SLC10A7: variants seen among roughly 807,000 people sequenced by gnomAD.
SLC10A7 encodes the protein solute carrier family 10 member 7.
A neutral mutation model predicts 43.2 loss-of-function variants in SLC10A7; 29 were observed. That is an observed-to-expected ratio of 0.67 (90% CI 0.50 to 0.92). The LOEUF is 0.92. Ranked by LOEUF, SLC10A7 falls within the 40% of genes least tolerant of loss-of-function variation. The pLI is 0.00. For missense variants in SLC10A7, 295 were observed against 403.2 expected (o/e 0.73, Z 2.30); for synonymous variants, 152 against 144.8 (o/e 1.05, Z -0.35).
chr4:146,324,019 T>C (rs538509191), intron 6 of SLC10A7, among the ~76,000 whole-genome samples: 1 of 152,262 alleles, frequency 6.6e-6, no homozygotes, highest in South Asian at 2.1e-4. Context: ...AGCATTCTTA[T>C]ACACCAATAA....
At chr4:146,278,239 A>G (rs1297703993) in intron 10 of SLC10A7, among the ~76,000 whole-genome samples, 17 of 152,180 alleles carry the variant, frequency 1.1e-4, no homozygotes, top group Non-Finnish European at 8.8e-5. Context: ...CTAATATTCA[A>G]GATTGTTTAG....
Position 146,518,789 on chromosome 4 carries a change from G to A in SLC10A7, c.101-1669C>T, listed in dbSNP as rs181080936. On this transcript the variant is annotated intron_variant, in intron 1 of 11. Transcript: ENST00000335472. Reference sequence around the variant, plus strand: ...GTTATATTGCCACAAGCCAAGGAACGGCTGGCAACCACCACAAGCTAGAAG... The same window carrying A: ...GTTATATTGCCACAAGCCAAGGAACAGCTGGCAACCACCACAAGCTAGAAG... 4.3e-3 allele frequency among the ~76,000 whole-genome samples: 658 copies of A among 151,938 alleles called. 5 individuals are homozygous for A. The highest frequency in any genetic ancestry group is 0.01 in the Middle Eastern group (3 of 294).
chr4:146,503,705 T>C, intron 4 of SLC10A7, 144 bp downstream of exon 4: 1 of 667,252 alleles, frequency 1.5e-6, no homozygotes, highest in Non-Finnish European at 2.7e-6. Flanking sequence ...CATGCTAGTA[T>C]GTGAGTACAC....
chr4:146,298,977 G>A (rs993899475), intron 7 of SLC10A7, among the ~76,000 whole-genome samples: 1 of 152,154 alleles, frequency 6.6e-6, no homozygotes, highest in African/African-American at 2.4e-5. Context: ...AAGAAGTATT[G>A]TCTGGGGAAA....
intron 5 of SLC10A7, among the ~76,000 whole-genome samples, chr4:146,380,552 TTC>T (rs1737539990): frequency 2.0e-5 from 3 of 152,184 alleles, no homozygotes; most frequent in African/African-American, 7.2e-5. Context: ...TTATTTTATT[TTC>T]AATTCAAAAA....
intron 9 of SLC10A7, among the ~76,000 whole-genome samples, chr4:146,289,644 G>C (rs1730268733): frequency 6.8e-6 from 1 of 147,788 alleles, no homozygotes; most frequent in Non-Finnish European, 1.5e-5. Flanking sequence ...AACTAGGACA[G>C]AGAAAAGTAA....
intron 10 of SLC10A7, among the ~76,000 whole-genome samples, chr4:146,268,708 C>G (rs1290900440): frequency 6.6e-6 from 1 of 152,132 alleles, no homozygotes; most frequent in Non-Finnish European, 1.5e-5. Context: ...GAAATTGAGG[C>G]AGCAGGTAAA....
In SLC10A7 at chr4:146,349,370, A is replaced by G. The variant is rs527556210; in HGVS notation, c.436-23374T>C. Among the ~76,000 whole-genome samples, 5 of 152,298 alleles carry G rather than the reference A, an allele frequency of 3.3e-5. No individual in the cohort carries two copies. The East Asian group carries it at 7.7e-4, about 23-fold the overall frequency. On this transcript the variant is annotated intron_variant, in intron 5 of 11. Coordinates refer to ENST00000335472, the MANE Select transcript of SLC10A7 (RefSeq NM_001029998.6). ...AAAGTAAAAAACAACAGTTGATGGT[A>G]AAGCTGCAGGGAAAAGGGAACACTG...
chr4:146,331,563 C>G (rs1161300430), intron 5 of SLC10A7, among the ~76,000 whole-genome samples: 1 of 152,150 alleles, frequency 6.6e-6, no homozygotes, highest in African/African-American at 2.4e-5. Context: ...CCAGAACTAG[C>G]TTTACCATCC....
At chr4:146,356,407 T>C (rs1735636284) in intron 5 of SLC10A7, among the ~76,000 whole-genome samples, 1 of 152,196 alleles carries the variant, frequency 6.6e-6, no homozygotes, top group Non-Finnish European at 1.5e-5. Flanking sequence ...GATCCTCGTG[T>C]AACTTTGTCA....
chr4:146,281,179 G>A (rs1729525423), intron 10 of SLC10A7, among the ~76,000 whole-genome samples: 1 of 151,850 alleles, frequency 6.6e-6, no homozygotes, highest in African/African-American at 2.4e-5. Context: ...ATGACTTTAG[G>A]ATTAAGAAAA....
intron 5 of SLC10A7, among the ~76,000 whole-genome samples, chr4:146,347,318 C>A (rs986852962): frequency 6.6e-6 from 1 of 152,196 alleles, no homozygotes; most frequent in African/African-American, 2.4e-5. Flanking sequence ...CCAGTTATAT[C>A]TACCAGCCTT....
chr4:146,256,288 C>A lies in SLC10A7; in HGVS notation c.*203G>T, dbSNP rs113968577. ...AAATTAACCCCCAAATATTGTACCA[C>A]CCCTGGCAGTAATCAACAAAGCATA... On this transcript the variant is annotated 3_prime_UTR_variant, in exon 12 of 12. Coordinates refer to ENST00000335472, the MANE Select transcript of SLC10A7 (RefSeq NM_001029998.6). The A allele has an allele frequency of 5.4e-5, 32 of 590,548 alleles. No individual in the cohort carries two copies. Among genetic ancestry groups the A allele is most frequent in the African/African-American group, 5.2e-4 (28 of 53,580 alleles). 36.6% of individuals were successfully genotyped at this position (590,548 alleles called of 1,614,324 possible). A position where few individuals can be genotyped will look rare whatever the true frequency, so the allele number is the denominator to read the frequency against.
chr4:146,261,524 C>G (rs1345847298), intron 10 of SLC10A7, among the ~76,000 whole-genome samples: 1 of 152,178 alleles, frequency 6.6e-6, no homozygotes, highest in African/African-American at 2.4e-5. Flanking sequence ...TCCCTGTATT[C>G]AAAGGGTGAT....
intron 1 of SLC10A7, among the ~76,000 whole-genome samples, chr4:146,520,093 G>T (rs1738480464): frequency 4.6e-5 from 7 of 152,186 alleles, no homozygotes; most frequent in Non-Finnish European, 1.5e-5. Flanking sequence ...CAAGGTAAAA[G>T]ATATTTTGCC....
intron 5 of SLC10A7, among the ~76,000 whole-genome samples, chr4:146,420,690 G>A (rs1728900978): frequency 6.6e-6 from 1 of 151,786 alleles, no homozygotes; most frequent in South Asian, 2.1e-4. Context: ...TTTTTTTAGG[G>A]GTCAGAGATT....
chr4:146,474,061 A>G (rs2149970702), intron 4 of SLC10A7, among the ~76,000 whole-genome samples: 1 of 152,154 alleles, frequency 6.6e-6, no homozygotes, highest in South Asian at 2.1e-4. Context: ...TTTTATATAA[A>G]GTAAATATCC....
intron 7 of SLC10A7, among the ~76,000 whole-genome samples, chr4:146,301,130 C>T (rs1178894518): frequency 6.6e-6 from 1 of 152,168 alleles, no homozygotes; most frequent in Non-Finnish European, 1.5e-5. Context: ...TTAGGCAGCT[C>T]ATCAATAAAT....
chr4:146,276,423 G>A (rs1231964468), intron 10 of SLC10A7, among the ~76,000 whole-genome samples: 2 of 152,054 alleles, frequency 1.3e-5, no homozygotes, highest in Non-Finnish European at 2.9e-5. Context: ...GTATTTTAAA[G>A]TAAACTTTAT....
Sources: gnomAD v4.1 joint callset for allele counts (sites outside exome capture counted in the v4.1 genomes callset) on GRCh38, gnomAD v4.1.1 for gene constraint, MANE v1.5 for transcripts, NCBI Gene and HGNC (gene_info 2026-07-23, HGNC 2026-07-21) for gene names.